TM4SF18: variants seen among roughly 807,000 people sequenced by gnomAD.
The protein encoded by TM4SF18 is transmembrane 4 L six family member 18.
A neutral mutation model predicts 23.8 loss-of-function variants in TM4SF18; 22 were observed. The ratio of observed to expected loss-of-function variants is 0.92; its 90% confidence interval spans 0.66 to 1.32. The LOEUF (loss-of-function observed/expected upper bound fraction) is 1.32. TM4SF18 is among the 40% of genes most tolerant of loss of function. The pLI, the probability that TM4SF18 is intolerant of heterozygous loss-of-function variation, is 0.00. For synonymous variants in TM4SF18, 87 were observed against 87.9 expected, an observed-to-expected ratio of 0.99 and a Z score of 0.06; for missense variants, 255 against 240.3, an observed-to-expected ratio of 1.06 and a Z score of -0.41.
intron 4 of TM4SF18, 51 bp downstream of exon 4, chr3:149,324,829 C>T: frequency 1.2e-6 from 2 of 1,609,400 alleles, no homozygotes; most frequent in Non-Finnish European, 1.7e-6. Context: ...GAGCATGAGG[C>T]AAGGTGTTTC....
In TM4SF18 at chr3:149,319,425, A is replaced by C. The variant is rs1730753503; in HGVS notation, c.*2053T>G. 1 of 152,356 alleles carries C rather than the reference A, an allele frequency of 6.6e-6. No homozygotes were observed. 9.4% of individuals were successfully genotyped at this position (152,356 alleles called of 1,614,324 possible). ...CTCATATTTAAGTTCTTTGGAAAGT[A>C]GAGTGTTATTGAATGAAGCTCTGTA... On this transcript the variant is annotated 3_prime_UTR_variant, in exon 6 of 6. Transcript: ENST00000296059.
At chr3:149,326,140 T>A (rs1452016839) in intron 3 of TM4SF18, among the ~76,000 whole-genome samples, 1 of 151,326 alleles carries the variant, frequency 6.6e-6, no homozygotes, top group East Asian at 1.9e-4. Context: ...AACTTTTAAA[T>A]TTTTTTTGTA....
At position 149,320,684 on chromosome 3, in the gene TM4SF18, G is replaced by A. The variant is rs1975085; in HGVS notation, c.*794C>T. 6.6e-6 allele frequency: 1 copy of A among 152,130 alleles called. No individual in the cohort carries two copies. Among genetic ancestry groups the A allele is most frequent in the East Asian group, 1.9e-4 (1 of 5,200 alleles). 9.4% of individuals were successfully genotyped at this position (152,130 alleles called of 1,614,324 possible). A position where few individuals can be genotyped will look rare whatever the true frequency, so the allele number is the denominator to read the frequency against. On this transcript the variant is annotated 3_prime_UTR_variant, in exon 6 of 6. Transcript: ENST00000296059. ...TCATTTCATGATGTTTGCAAATAAT[G>A]TTGAGGAATGTGGAAAGAGCATATG...
At chr3:149,325,524 AGG>A (rs758577597) in intron 3 of TM4SF18, among the ~76,000 whole-genome samples, 4 of 152,098 alleles carry the variant, frequency 2.6e-5, no homozygotes, top group Admixed American at 6.5e-5. Flanking sequence ...ATTGATGGAG[AGG>A]GGGGTGTTTT....
intron 4 of TM4SF18, among the ~76,000 whole-genome samples, chr3:149,323,973 G>T (rs887820736): frequency 8.5e-5 from 13 of 152,222 alleles, no homozygotes; most frequent in Non-Finnish European, 1.3e-4. Flanking sequence ...CACAGAAGCA[G>T]CTCTGCCATG....
intron 4 of TM4SF18, among the ~76,000 whole-genome samples, chr3:149,323,205 C>G (rs944895949): frequency 6.6e-6 from 1 of 152,110 alleles, no homozygotes; most frequent in African/African-American, 2.4e-5. Flanking sequence ...GCCCTCCAGA[C>G]TCTTATCTTG....
At chr3:149,324,819 G>C in intron 4 of TM4SF18, 61 bp downstream of exon 4, 1 of 1,602,372 alleles carries the variant, frequency 6.2e-7, no homozygotes, top group Non-Finnish European at 8.5e-7. Flanking sequence ...GCGTGAGCTT[G>C]AGCATGAGGC....
chr3:149,331,375 CT>C (rs1731084229), intron 2 of TM4SF18, among the ~76,000 whole-genome samples: 1 of 152,078 alleles, frequency 6.6e-6, no homozygotes, highest in Non-Finnish European at 1.5e-5. Flanking sequence ...GAACAGGTTT[CT>C]TTTCCTAGTT....
chr3:149,323,278 A>C (rs1327362191), intron 4 of TM4SF18, among the ~76,000 whole-genome samples: 2 of 152,196 alleles, frequency 1.3e-5, no homozygotes, highest in Non-Finnish European at 2.9e-5. Context: ...ATGTGTATAC[A>C]AACAGTTTGG....
chr3:149,323,199 T>C (rs1576830896), intron 4 of TM4SF18, among the ~76,000 whole-genome samples: 1 of 152,102 alleles, frequency 6.6e-6, no homozygotes, highest in East Asian at 1.9e-4. Flanking sequence ...CGCCTGGCCC[T>C]CCAGACTCTT....
chr3:149,323,068 T>C (rs1730851580), intron 4 of TM4SF18, among the ~76,000 whole-genome samples: 2 of 152,024 alleles, frequency 1.3e-5, no homozygotes, highest in African/African-American at 4.8e-5. Flanking sequence ...GGCTAATTTT[T>C]TGTATTTTTT....
rs766947434 is a variant in TM4SF18, at chr3:149,333,373, G to A, written c.10C>T (p.Arg4Trp). Reference sequence around the variant, plus strand: ...CAACTTAGGCAGCCTCCACACTTCCGAGACCCCATTTTGCCCTGCTTAGAA... The same window carrying A: ...CAACTTAGGCAGCCTCCACACTTCCAAGACCCCATTTTGCCCTGCTTAGAA... MGSRKCGGCLSCLL... is the reference protein window; with the variant it reads MGSWKCGGCLSCLL... The change falls in exon 2 of 6, where the codon CGG becomes TGG. Residue 4 changes from arginine (R) to tryptophan (W), a missense_variant. By Grantham distance (101) the Arg-to-Trp change is moderately radical. Coordinates refer to ENST00000296059, the MANE Select transcript of TM4SF18 (RefSeq NM_138786.4). 5.0e-6 allele frequency: 8 copies of A among 1,610,868 alleles called. No homozygotes were observed. The highest frequency in any genetic ancestry group is 4.0e-5 in the African/African-American group (3 of 74,746).
At position 149,322,315 on chromosome 3, in the gene TM4SF18, T is replaced by A. The variant is rs1376140641; in HGVS notation, c.532A>T (p.Ile178Phe). The A allele has an allele frequency of 6.2e-7, 1 of 1,614,070 alleles. No individual in the cohort carries two copies. Among genetic ancestry groups the A allele is most frequent in the Non-Finnish European group, 8.5e-7 (1 of 1,179,978 alleles). The stretch of plus-strand genomic sequence containing the variant: ...TTGGATAGTTGCATGACTACTCTGA[T>A]GAGGCAGATGATCACTTGAAGCCCA... ...LSGLQVIICL[I>F]RVVMQLSKIL... Residue 178 changes from isoleucine to phenylalanine, a missense_variant, in exon 5 of 6, where the codon ATC becomes TTC. Transcript: ENST00000296059.
intron 2 of TM4SF18, among the ~76,000 whole-genome samples, chr3:149,332,101 A>G (rs560896002): frequency 1.3e-5 from 2 of 152,314 alleles, no homozygotes; most frequent in East Asian, 3.9e-4. Flanking sequence ...TTGATATATT[A>G]TACCAAACTC....
rs368232942 is a variant in TM4SF18, at chr3:149,324,801, GA to G, written c.410+78del. ...CACATGGAACCCCAAAGTGATCATGGAAAATGAGCGTGAGCTTGAGCATGAG... is the reference window on the plus strand; with the variant it reads ...CACATGGAACCCCAAAGTGATCATGGAAATGAGCGTGAGCTTGAGCATGAG... On this transcript the variant is annotated intron_variant, in intron 4 of 5. Coordinates refer to ENST00000296059, the MANE Select transcript of TM4SF18 (RefSeq NM_138786.4). 928 of 1,580,932 alleles carry G rather than the reference GA, an allele frequency of 5.9e-4. 3 individuals are homozygous for G. In the African/African-American group the frequency reaches 0.011, roughly 18 times the overall value.
At chr3:149,323,197 C>A (rs573912968) in intron 4 of TM4SF18, among the ~76,000 whole-genome samples, 1 of 152,228 alleles carries the variant, frequency 6.6e-6, no homozygotes, top group Non-Finnish European at 1.5e-5. Flanking sequence ...CGCGCCTGGC[C>A]CTCCAGACTC....
intron 4 of TM4SF18, among the ~76,000 whole-genome samples, chr3:149,324,075 C>A (rs1730874655): frequency 6.6e-6 from 1 of 152,150 alleles, no homozygotes; most frequent in Non-Finnish European, 1.5e-5. Flanking sequence ...TTTAACTTCC[C>A]CCAGTGAATG....
At chr3:149,322,807 T>TAG (rs1419075745) in intron 4 of TM4SF18, among the ~76,000 whole-genome samples, 1 of 152,164 alleles carries the variant, frequency 6.6e-6, no homozygotes, top group Non-Finnish European at 1.5e-5. Context: ...TAATGGCTCT[T>TAG]GTCTCCAATG....
At position 149,321,391 on chromosome 3, in the gene TM4SF18, T is replaced by G; in HGVS notation, c.*87A>C. 9.5e-7 allele frequency: 1 copy of G among 1,047,864 alleles called. No individual in the cohort carries two copies. The highest frequency in any genetic ancestry group is 1.4e-6 in the Non-Finnish European group (1 of 739,664). 64.9% of individuals were successfully genotyped at this position (1,047,864 alleles called of 1,614,324 possible). A position where few individuals can be genotyped will look rare whatever the true frequency, so the allele number is the denominator to read the frequency against. On this transcript the variant is annotated 3_prime_UTR_variant, in exon 6 of 6. Transcript: ENST00000296059. ...ACACCAAATGCAGAAAGCACCATCA[T>G]TTCAATATTGCCCTCAAGTCTACAC...
Sources: gnomAD v4.1 joint callset for allele counts (sites outside exome capture counted in the v4.1 genomes callset) on GRCh38, gnomAD v4.1.1 for gene constraint, MANE v1.5 for transcripts, NCBI Gene and HGNC (gene_info 2026-07-23, HGNC 2026-07-21) for gene names.